The following GPR139 variants were observed in gnomAD, a reference collection of about 807,000 sequenced individuals.
The protein encoded by GPR139 is probable G protein-coupled receptor 139.
Under a neutral mutation model 25.8 loss-of-function variants are expected in GPR139, and 12 were observed. That is an observed-to-expected ratio of 0.47 (90% CI 0.30 to 0.75). The LOEUF is 0.75. Among genes scored for constraint, GPR139 ranks in the 30% least tolerant of loss-of-function variants. GPR139 has a pLI of 0.07. For synonymous variants in GPR139, 184 were observed against 179.9 expected (o/e 1.02, Z -0.18); for missense variants, 380 against 450.2 (o/e 0.84, Z 1.41).
intron 1 of GPR139, among the ~76,000 whole-genome samples, chr16:20,038,794 G>C (rs1455297917): frequency 6.6e-6 from 1 of 152,168 alleles, no homozygotes; most frequent in East Asian, 1.9e-4. Flanking sequence ...TTAAAAGCTT[G>C]ACATTTGCTA....
intron 1 of GPR139, among the ~76,000 whole-genome samples, chr16:20,043,359 C>G (rs2057343283): frequency 6.6e-6 from 1 of 152,180 alleles, no homozygotes; most frequent in African/African-American, 2.4e-5. Context: ...ATCTCAGTAC[C>G]AAAGTTCATT....
intron 1 of GPR139, among the ~76,000 whole-genome samples, chr16:20,033,592 C>A (rs2057299469): frequency 6.6e-6 from 1 of 152,072 alleles, no homozygotes; most frequent in African/African-American, 2.4e-5. Context: ...AGGACCTTTC[C>A]TTTTTAAGTA....
chr16:20,067,305 C>G (rs2057438072), intron 1 of GPR139, among the ~76,000 whole-genome samples: 1 of 152,194 alleles, frequency 6.6e-6, no homozygotes, highest in Non-Finnish European at 1.5e-5. Context: ...AGCAACACAG[C>G]AGAACCTGGC....
In GPR139 at chr16:20,038,566, T is replaced by C. The variant is rs182165707; in HGVS notation, c.128-5897A>G. On this transcript the variant is annotated intron_variant, in intron 1 of 1. Transcript: ENST00000570682. ...CATATTTGACATTTCCTTAAGTTTC[T>C]AGTGATTGCCTCTCTTGAGAAACTA... 2.3e-3 allele frequency among the ~76,000 whole-genome samples: 357 copies of C among 152,284 alleles called. 1 individual carries two copies. Among genetic ancestry groups the C allele is most frequent in the African/African-American group, 8.1e-3 (336 of 41,568 alleles).
chr16:20,053,330 A>G (rs2057378727), intron 1 of GPR139, among the ~76,000 whole-genome samples: 1 of 152,128 alleles, frequency 6.6e-6, no homozygotes, highest in East Asian at 1.9e-4. Context: ...TCCCTACTCA[A>G]AGGTGCCCAG....
chr16:20,064,616 C>T (rs2057425086), intron 1 of GPR139, among the ~76,000 whole-genome samples: 1 of 152,178 alleles, frequency 6.6e-6, no homozygotes, highest in African/African-American at 2.4e-5. Flanking sequence ...ATAGTAATGG[C>T]TAGTACCAGA....
Position 20,073,360 on chromosome 16 carries a change from G to T in GPR139, c.127+130C>A. ...TTCCCCCCGTGTGGAAATATCCATAGTTGCCCTTAAAGCTTAAACTTTTTC... is the reference window on the plus strand; with the variant it reads ...TTCCCCCCGTGTGGAAATATCCATATTTGCCCTTAAAGCTTAAACTTTTTC... On this transcript the variant is annotated intron_variant, in intron 1 of 1. Coordinates refer to ENST00000570682, the MANE Select transcript of GPR139 (RefSeq NM_001002911.4). This position sits in a 1 kb window ranked among gnomAD's most constrained non-coding sequence, Gnocchi z 4.7. 7.5e-7 allele frequency: 1 copy of T among 1,336,364 alleles called. No homozygotes were observed. The highest frequency in any genetic ancestry group is 1.0e-6 in the Non-Finnish European group (1 of 966,148). The allele number at this position is 1,336,364 out of a possible 1,614,324, so 82.8% of individuals were successfully genotyped here.
intron 1 of GPR139, among the ~76,000 whole-genome samples, chr16:20,037,190 G>A (rs745896386): frequency 6.6e-5 from 10 of 152,124 alleles, no homozygotes; most frequent in African/African-American, 1.4e-4. Context: ...TGTGGCTCAC[G>A]CCTGTAATCC....
chr16:20,053,082 C>T (rs780613402), intron 1 of GPR139, among the ~76,000 whole-genome samples: 31 of 152,188 alleles, frequency 2.0e-4, no homozygotes, highest in Non-Finnish European at 3.7e-4. Context: ...TTAATGGACT[C>T]TATTTAGAAG....
At chr16:20,062,059 G>A (rs2057416207) in intron 1 of GPR139, among the ~76,000 whole-genome samples, 1 of 152,138 alleles carries the variant, frequency 6.6e-6, no homozygotes, top group Non-Finnish European at 1.5e-5. Flanking sequence ...CTTAAGGCCA[G>A]GAGTTTGAGA....
Position 20,073,848 on chromosome 16 carries a change from G to A in GPR139, c.-232C>T. The A allele has an allele frequency of 4.0e-6, 2 of 494,178 alleles. No homozygotes were observed. The highest frequency in any genetic ancestry group is 6.8e-6 in the Non-Finnish European group (2 of 294,740). 30.6% of individuals were successfully genotyped at this position (494,178 alleles called of 1,614,324 possible). The stretch of plus-strand genomic sequence containing the variant: ...GGGCGCGGGGCGCAGGGTGCGGGGC[G>A]CGCTGCGCGGGGCCTCGGGAGGGGC... On this transcript the variant is annotated 5_prime_UTR_variant, in exon 1 of 2. Coordinates refer to ENST00000570682, the MANE Select transcript of GPR139 (RefSeq NM_001002911.4). The surrounding 1 kb of genome is among the most constrained non-coding windows in gnomAD (Gnocchi z 4.7).
At chr16:20,057,691 G>A (rs1011851303) in intron 1 of GPR139, among the ~76,000 whole-genome samples, 5 of 151,944 alleles carry the variant, frequency 3.3e-5, no homozygotes, top group African/African-American at 1.2e-4. Flanking sequence ...AGAGGACCCT[G>A]GAGTCAAGAG....
At chr16:20,044,843 T>C (rs973064550) in intron 1 of GPR139, among the ~76,000 whole-genome samples, 1 of 152,226 alleles carries the variant, frequency 6.6e-6, no homozygotes, top group Admixed American at 6.5e-5. Flanking sequence ...GGTTAGGAAG[T>C]TGACTAAAGT....
intron 1 of GPR139, chr16:20,071,020 T>A: frequency 2.0e-6 from 2 of 985,232 alleles, no homozygotes; most frequent in Non-Finnish European, 1.2e-6. Context: ...GGCTTCATGA[T>A]ATCTATGACC....
chr16:20,032,799 G>A (rs2057295968), intron 1 of GPR139, 130 bp from the exon 2 acceptor site: 1 of 634,836 alleles, frequency 1.6e-6, no homozygotes, highest in Admixed American at 2.9e-5. Flanking sequence ...TGCTTTTGAG[G>A]GACAACCTCA....
At chr16:20,041,614 C>G (rs1421170547) in intron 1 of GPR139, among the ~76,000 whole-genome samples, 1 of 152,110 alleles carries the variant, frequency 6.6e-6, no homozygotes, top group Admixed American at 6.5e-5. Context: ...AGTCTTTTAG[C>G]TTCTGCAGAA....
intron 1 of GPR139, among the ~76,000 whole-genome samples, chr16:20,048,441 T>A (rs910555516): frequency 3.3e-5 from 5 of 152,174 alleles, no homozygotes; most frequent in African/African-American, 1.2e-4. Flanking sequence ...GCTAAATAGA[T>A]CATCCCAAGG....
rs71146300 is a variant in GPR139, at chr16:20,073,252, TCACACACACACA to T, written c.127+226_127+237del. 1.4e-5 allele frequency among the ~76,000 whole-genome samples: 2 copies of T among 147,106 alleles called. No individual in the cohort carries two copies. The highest frequency in any genetic ancestry group is 2.1e-4 in the East Asian group (1 of 4,810). On this transcript the variant is annotated intron_variant, in intron 1 of 1. Transcript: ENST00000570682. The surrounding 1 kb of genome is among the most constrained non-coding windows in gnomAD (Gnocchi z 4.7). ...AGCCCATCGCCCGCCGTCACAGTCA[TCACACACACACA>T]CACACACACACACACGCTCGCGCGC...
chr16:20,073,361 T>C lies in GPR139; in HGVS notation c.127+129A>G, dbSNP rs1596473312. On this transcript the variant is annotated intron_variant, in intron 1 of 1. Coordinates refer to ENST00000570682, the MANE Select transcript of GPR139 (RefSeq NM_001002911.4). This position sits in a 1 kb window ranked among gnomAD's most constrained non-coding sequence, Gnocchi z 4.7. ...TCCCCCCGTGTGGAAATATCCATAG[T>C]TGCCCTTAAAGCTTAAACTTTTTCC... 8.2e-6 allele frequency: 11 copies of C among 1,337,820 alleles called. No individual in the cohort carries two copies. In the East Asian group the frequency reaches 2.5e-4, roughly 31 times the overall value. The allele number at this position is 1,337,820 out of a possible 1,614,324, so 82.9% of individuals were successfully genotyped here.
Sources: gnomAD v4.1 joint callset for allele counts (sites outside exome capture counted in the v4.1 genomes callset) on GRCh38, gnomAD v4.1.1 for gene constraint, Gnocchi (gnomAD v3.1) non-coding constraint, MANE v1.5 for transcripts, NCBI Gene and HGNC (gene_info 2026-07-23, HGNC 2026-07-21) for gene names.